RGL1: variants seen among roughly 807,000 people sequenced by gnomAD.
The protein encoded by RGL1 is ral guanine nucleotide dissociation stimulator-like 1.
Under a neutral mutation model 95.2 loss-of-function variants are expected in RGL1, and 24 were observed. That is an observed-to-expected ratio of 0.25 (90% confidence interval 0.18 to 0.35). The LOEUF (loss-of-function observed/expected upper bound fraction) is 0.35. RGL1 is among the 10% of genes least tolerant of loss of function. The pLI is 1.00. For synonymous variants in RGL1, 329 were observed against 344.9 expected, an observed-to-expected ratio of 0.95 and a Z score of 0.51; for missense variants, 715 against 936.3, an observed-to-expected ratio of 0.76 and a Z score of 3.08.
rs112911399 is a variant in RGL1 at position 183,758,602 on chromosome 1, G to A, written c.132+16313G>A. 7.6e-3 allele frequency among the ~76,000 whole-genome samples: 1,160 copies of A among 152,204 alleles called. 16 individuals are homozygous for A. Among genetic ancestry groups the A allele is most frequent in the African/African-American group, 0.023 (976 of 41,544 alleles). Reference sequence around the variant, plus strand: ...GTTCCTTCTCTGAGTTACAGATGGTGTCTTCTCAATGGGTCCTCATGTGGC... The same window carrying A: ...GTTCCTTCTCTGAGTTACAGATGGTATCTTCTCAATGGGTCCTCATGTGGC... On this transcript the variant is annotated intron_variant, in intron 2 of 18. Transcript: ENST00000304685.
chr1:183,745,041 G>T (rs74130597), intron 2 of RGL1, among the ~76,000 whole-genome samples: 2 of 152,060 alleles, frequency 1.3e-5, no homozygotes, highest in African/African-American at 4.8e-5. Flanking sequence ...CCTGTTATTG[G>T]TATTGACAGA....
At chr1:183,925,852 A>AT (rs1235342373) in intron 17 of RGL1, among the ~76,000 whole-genome samples, 1 of 152,078 alleles carries the variant, frequency 6.6e-6, no homozygotes, top group East Asian at 1.9e-4. Flanking sequence ...TAGTTTTAAC[A>AT]TTTTCTATTG....
At chr1:183,782,240 A>C (rs1422578685) in intron 2 of RGL1, among the ~76,000 whole-genome samples, 2 of 152,200 alleles carry the variant, frequency 1.3e-5, no homozygotes, top group Non-Finnish European at 2.9e-5. Flanking sequence ...GGACTTTACT[A>C]TTCCATCTCC....
At chr1:183,916,186 A>G (rs533926571) in intron 15 of RGL1, among the ~76,000 whole-genome samples, 1 of 152,242 alleles carries the variant, frequency 6.6e-6, no homozygotes, top group Non-Finnish European at 1.5e-5. Context: ...CTATAAGAAC[A>G]GCTAAAACCT....
intron 1 of RGL1, among the ~76,000 whole-genome samples, chr1:183,643,580 C>T (rs1027908812): frequency 1.3e-5 from 2 of 151,968 alleles, no homozygotes; most frequent in African/African-American, 2.4e-5. Context: ...CGTGAGCCAC[C>T]GCGCCCGGCC....
chr1:183,912,106 C>T lies in RGL1; in HGVS notation c.1587C>T (p.Ile529=), dbSNP rs780801324. 6.2e-7 allele frequency: 1 copy of T among 1,613,880 alleles called. No homozygotes were observed. Among genetic ancestry groups the T allele is most frequent in the South Asian group, 1.1e-5 (1 of 91,066 alleles). Residue 529 remains isoleucine, a synonymous_variant, in exon 15 of 18, where the codon ATC becomes ATT. Coordinates refer to ENST00000360851, the MANE Select transcript of RGL1 (RefSeq NM_001297671.3). ...GACTGTTTCTAGGGTCTGACATGAT[C>T]ACCAGTCCCACTCCCACCAAAGAGC... ...LSLLFLGSDM[I]TSPTPTKEQP... is the part of the protein sequence containing the mutation.
intron 2 of RGL1, among the ~76,000 whole-genome samples, chr1:183,823,600 G>A (rs909784960): frequency 1.3e-5 from 2 of 152,090 alleles, no homozygotes; most frequent in Non-Finnish European, 2.9e-5. Flanking sequence ...TCAGTATTCC[G>A]TGACATCTGA....
At chr1:183,886,479 A>G (rs1367090646) in intron 7 of RGL1, among the ~76,000 whole-genome samples, 2 of 152,168 alleles carry the variant, frequency 1.3e-5, no homozygotes, top group Non-Finnish European at 2.9e-5. Context: ...TACTTTGGCT[A>G]TAGTGACAAT....
At chr1:183,653,223 T>G (rs1254908720) in intron 1 of RGL1, 1 of 152,232 alleles carries the variant, frequency 6.6e-6, no homozygotes, top group African/African-American at 2.4e-5. Context: ...GGTTCAGGAC[T>G]CTTTCACAGT....
intron 1 of RGL1, among the ~76,000 whole-genome samples, chr1:183,676,327 C>T (rs868067368): frequency 5.9e-5 from 9 of 152,094 alleles, no homozygotes; most frequent in Middle Eastern, 3.4e-3. Context: ...TCTCAATGGT[C>T]AAAAGAGTTT....
chr1:183,922,158 C>T, intron 16 of RGL1, 64 bp from the exon 17 acceptor site: 1 of 1,312,770 alleles, frequency 7.6e-7, no homozygotes, highest in South Asian at 1.2e-5. Context: ...ATGAGAGGGT[C>T]AGGAGAACTC....
intron 2 of RGL1, among the ~76,000 whole-genome samples, chr1:183,798,246 A>G (rs1276830516): frequency 1.3e-5 from 2 of 152,202 alleles, no homozygotes; most frequent in Non-Finnish European, 2.9e-5. Context: ...GGCATAGGAC[A>G]TTATAGTGCA....
intron 3 of RGL1, among the ~76,000 whole-genome samples, chr1:183,865,295 A>T (rs370184310): frequency 2.1e-4 from 32 of 152,178 alleles, no homozygotes; most frequent in African/African-American, 7.7e-4. Context: ...GAAAATTTTT[A>T]AAATTTAAGC....
chr1:183,866,611 A>T (rs963635927), intron 4 of RGL1, among the ~76,000 whole-genome samples: 1 of 152,146 alleles, frequency 6.6e-6, no homozygotes, highest in Non-Finnish European at 1.5e-5. Flanking sequence ...GTGCTAGGGG[A>T]TGAGCACTGT....
intron 9 of RGL1, among the ~76,000 whole-genome samples, chr1:183,896,762 C>G (rs1667725726): frequency 6.6e-6 from 1 of 152,144 alleles, no homozygotes. Flanking sequence ...GTTCAGTCAG[C>G]AAACTCATGA....
intron 9 of RGL1, among the ~76,000 whole-genome samples, chr1:183,896,223 T>G (rs983203658): frequency 6.6e-5 from 10 of 152,188 alleles, no homozygotes; most frequent in Non-Finnish European, 1.2e-4. Flanking sequence ...TTAGGCTGCT[T>G]TCTTTTTTTT....
chr1:183,880,574 A>T, intron 4 of RGL1, 42 bp from the exon 5 acceptor site: 1 of 1,599,706 alleles, frequency 6.3e-7, no homozygotes. Context: ...TTGCCTCCCC[A>T]CAGCCAGTTG....
intron 1 of RGL1, among the ~76,000 whole-genome samples, chr1:183,661,234 A>T (rs1651599115): frequency 6.6e-6 from 1 of 152,240 alleles, no homozygotes; most frequent in Admixed American, 6.5e-5. Flanking sequence ...AAATAGAGAC[A>T]CAAAAAACCC....
At chr1:183,781,120 A>G (rs144294705) in intron 2 of RGL1, among the ~76,000 whole-genome samples, 36 of 152,344 alleles carry the variant, frequency 2.4e-4, no homozygotes, top group African/African-American at 7.7e-4. Flanking sequence ...ACTCTCAGGC[A>G]TGGACTAGTT....
Sources: allele counts gnomAD v4.1 joint callset (sites outside exome capture counted in the v4.1 genomes callset), GRCh38; gene constraint gnomAD v4.1.1; transcripts MANE v1.5; gene names NCBI Gene and HGNC (gene_info 2026-07-23, HGNC 2026-07-21).